Variants in PDE1A observed in about 807,000 individuals in gnomAD.
The protein encoded by PDE1A is dual specificity calcium/calmodulin-dependent 3',5'-cyclic nucleotide phosphodiesterase 1A.
A neutral mutation model predicts 61.7 loss-of-function variants in PDE1A; 35 were observed. That is an observed-to-expected ratio of 0.57 (90% confidence interval 0.43 to 0.75). The LOEUF is 0.75. Among genes scored for constraint, PDE1A ranks in the 30% least tolerant of loss-of-function variants. The pLI, the probability that PDE1A is intolerant of heterozygous loss-of-function variation, is 0.00. For synonymous variants in PDE1A, 232 were observed against 213.2 expected (o/e 1.09, Z -0.77); for missense variants, 597 against 630.6 (o/e 0.95, Z 0.57).
intron 13 of PDE1A, among the ~76,000 whole-genome samples, chr2:182,160,670 C>CGGTA (rs1691330865): frequency 6.6e-6 from 1 of 152,126 alleles, no homozygotes; most frequent in Non-Finnish European, 1.5e-5. Context: ...GTCACACTAC[C>CGGTA]GGCTTCTCTC....
At chr2:182,647,110 G>A in the PDE1A span, among the ~76,000 whole-genome samples, 1 of 152,132 alleles carries the variant, frequency 6.6e-6, no homozygotes, top group Non-Finnish European at 1.5e-5. Flanking sequence ...GGAACTGACC[G>A]AATTAGGATT....
chr2:182,548,501 G>A, the PDE1A span, among the ~76,000 whole-genome samples: 2 of 152,172 alleles, frequency 1.3e-5, no homozygotes, highest in African/African-American at 4.8e-5. Context: ...AAACTGTGCC[G>A]AGGTCAAAGA....
chr2:182,579,776 T>C, the PDE1A span, among the ~76,000 whole-genome samples: 1 of 152,018 alleles, frequency 6.6e-6, no homozygotes, highest in Non-Finnish European at 1.5e-5. Flanking sequence ...TTCATATAAA[T>C]TATTATAATA....
At chr2:182,610,235 G>T in the PDE1A span, among the ~76,000 whole-genome samples, 2 of 152,090 alleles carry the variant, frequency 1.3e-5, no homozygotes, top group South Asian at 4.1e-4. Context: ...TTTATGCTTT[G>T]TCAAACCTAA....
At chr2:182,157,110 G>A (rs1691133713) in intron 13 of PDE1A, among the ~76,000 whole-genome samples, 2 of 151,408 alleles carry the variant, frequency 1.3e-5, no homozygotes, top group African/African-American at 2.4e-5. Flanking sequence ...CAGCTCCTGG[G>A]TTCAATCGAT....
intron 1 of PDE1A, among the ~76,000 whole-genome samples, chr2:182,344,750 TCACA>T (rs10590540): frequency 3.5e-4 from 52 of 150,604 alleles, no homozygotes; most frequent in African/African-American, 9.7e-4. Context: ...TCTCTCTCTC[TCACA>T]CACACACACA....
the PDE1A span, among the ~76,000 whole-genome samples, chr2:182,638,496 C>T: frequency 8.2e-4 from 124 of 151,888 alleles, no homozygotes; most frequent in African/African-American, 2.9e-3. Context: ...AGATTGCGCC[C>T]CTGCACTCCA....
chr2:182,473,607 C>G (rs900011527), intron 2 of PDE1A, among the ~76,000 whole-genome samples: 3 of 151,694 alleles, frequency 2.0e-5, no homozygotes, highest in Non-Finnish European at 4.4e-5. Context: ...AGCCTAGTAT[C>G]ATTAGTTATT....
intron 1 of PDE1A, among the ~76,000 whole-genome samples, chr2:182,368,298 C>T (rs1574469151): frequency 6.6e-6 from 1 of 151,928 alleles, no homozygotes; most frequent in African/African-American, 2.4e-5. Context: ...TTTTCTCATA[C>T]ATATTTTCTC....
chr2:182,201,557 A>G (rs1446259195), exon 10 of PDE1A: 1 of 1,613,136 alleles, frequency 6.2e-7, no homozygotes, highest in Admixed American at 1.7e-5. Context: ...GGCTCTGTCA[A>G]TCCTGTCAAA....
At chr2:182,371,922 C>A (rs1014875301) in intron 1 of PDE1A, among the ~76,000 whole-genome samples, 5 of 152,084 alleles carry the variant, frequency 3.3e-5, no homozygotes. Flanking sequence ...GTAGCTAGGA[C>A]CACAGGCATG....
chr2:182,291,947 T>C (rs1305458728), intron 1 of PDE1A, among the ~76,000 whole-genome samples: 2 of 152,104 alleles, frequency 1.3e-5, no homozygotes, highest in African/African-American at 4.8e-5. Flanking sequence ...TTTTGCATCA[T>C]TGGGAGGTGA....
At chr2:182,164,577 C>T (rs1691552508), downstream of PDE1A, among the ~76,000 whole-genome samples, 1 of 152,220 alleles carries the variant, frequency 6.6e-6, no homozygotes. Context: ...TCCTCAGCTA[C>T]CATTGTCATT....
chr2:182,211,466 G>C (rs1349975100), intron 7 of PDE1A, among the ~76,000 whole-genome samples: 2 of 152,138 alleles, frequency 1.3e-5, no homozygotes, highest in East Asian at 3.9e-4. Flanking sequence ...CTCCAACTTT[G>C]TGCTTCTCCT....
the PDE1A span, among the ~76,000 whole-genome samples, chr2:182,627,077 T>TAAAATATATTATTTATATATAA: frequency 4.7e-5 from 1 of 21,282 alleles, no homozygotes; most frequent in African/African-American, 1.3e-4. Context: ...TATTTATATA[T>TAAAATATATTATTTATATATAA]AATATAAATG....
In PDE1A at chr2:182,467,853, A is replaced by G. The variant is rs1686772870; in HGVS notation, c.101+54423T>C. On this transcript the variant is annotated intron_variant, in intron 2 of 14. Transcript: ENST00000410103. ...GTTCAGTTCTAGTCTACCACAATAA[A>G]GCTAACATAATAAAATGAGTTACAC... is the stretch of plus-strand genomic sequence containing the variant. Among the ~76,000 whole-genome samples, 2 of 151,988 alleles carry G rather than the reference A, an allele frequency of 1.3e-5. 1 individual carries two copies. The highest frequency in any genetic ancestry group is 4.8e-5 in the African/African-American group (2 of 41,432).
chr2:182,629,217 AC>A, the PDE1A span, among the ~76,000 whole-genome samples: 4 of 152,180 alleles, frequency 2.6e-5, no homozygotes, highest in Admixed American at 6.5e-5. Flanking sequence ...TCCTGCCAAC[AC>A]CTTGATTGTA....
the PDE1A span, among the ~76,000 whole-genome samples, chr2:182,644,014 CTTTT>C: frequency 9.2e-5 from 14 of 151,574 alleles, no homozygotes. Context: ...TAAGTTTTCC[CTTTT>C]TTTAATTCCC....
At chr2:182,629,158 C>T in the PDE1A span, among the ~76,000 whole-genome samples, 1 of 152,124 alleles carries the variant, frequency 6.6e-6, no homozygotes, top group Non-Finnish European at 1.5e-5. Flanking sequence ...ATTCTACCAA[C>T]AATAATGCAA....
Sources: gnomAD v4.1 joint callset for allele counts (sites outside exome capture counted in the v4.1 genomes callset) on GRCh38, gnomAD v4.1.1 for gene constraint, MANE v1.5 for transcripts, NCBI Gene and HGNC (gene_info 2026-07-23, HGNC 2026-07-21) for gene names.